The following DLG2 variants were observed in gnomAD, a reference collection of about 807,000 sequenced individuals.
The protein encoded by DLG2 is disks large homolog 2.
DLG2 carries 45 observed loss-of-function variants against 132.5 expected under a neutral mutation model. The ratio of observed to expected loss-of-function variants is 0.34; its 90% CI spans 0.27 to 0.44. DLG2 has a LOEUF of 0.44. DLG2 is among the 20% of genes least tolerant of loss of function. DLG2 has a pLI of 1.00. For synonymous variants in DLG2, 424 were observed against 419.6 expected (o/e 1.01, Z -0.13); for missense variants, 1,045 against 1,196.9 (o/e 0.87, Z 1.87).
At chr11:83,625,995 T>C (rs1429616454) in intron 19 of DLG2, among the ~76,000 whole-genome samples, 1 of 152,226 alleles carries the variant, frequency 6.6e-6, no homozygotes, top group Non-Finnish European at 1.5e-5. Context: ...AATTAATTCA[T>C]TTAACAAACG....
intron 8 of DLG2, among the ~76,000 whole-genome samples, chr11:84,241,270 A>G (rs749863967): frequency 3.9e-5 from 6 of 152,232 alleles, no homozygotes; most frequent in Non-Finnish European, 5.9e-5. Context: ...AGATAAAGCA[A>G]TATTTTCTTT....
intron 7 of DLG2, among the ~76,000 whole-genome samples, chr11:84,487,272 A>G (rs2154494934): frequency 6.6e-6 from 1 of 152,310 alleles, no homozygotes; most frequent in East Asian, 1.9e-4. Context: ...AAGATAAACC[A>G]TAAACTCAGT....
At chr11:84,902,506 A>G (rs1433398444) in intron 6 of DLG2, among the ~76,000 whole-genome samples, 2 of 152,180 alleles carry the variant, frequency 1.3e-5, no homozygotes, top group Non-Finnish European at 2.9e-5. Context: ...GCTTTCAGAT[A>G]TAGATCTGAT....
At chr11:84,230,335 T>G (rs1286007185) in intron 8 of DLG2, among the ~76,000 whole-genome samples, 3 of 152,190 alleles carry the variant, frequency 2.0e-5, no homozygotes, top group Non-Finnish European at 4.4e-5. Context: ...ATTATCTCTA[T>G]CCCTCAACAT....
At chr11:84,858,146 G>C (rs1032943772) in intron 6 of DLG2, among the ~76,000 whole-genome samples, 2 of 152,036 alleles carry the variant, frequency 1.3e-5, no homozygotes, top group African/African-American at 4.8e-5. Flanking sequence ...GCCTGCCTCA[G>C]CCTCCTAAAG....
intron 6 of DLG2, among the ~76,000 whole-genome samples, chr11:84,975,235 T>C (rs1231805458): frequency 6.6e-6 from 1 of 152,184 alleles, no homozygotes. Context: ...TAAGAGAATC[T>C]AAATTTGGTT....
intron 21 of DLG2, among the ~76,000 whole-genome samples, chr11:83,496,503 T>C: frequency 6.6e-6 from 1 of 152,162 alleles, no homozygotes; most frequent in South Asian, 2.1e-4. Context: ...AAAAGGTATC[T>C]TTACAAGACT....
At chr11:83,710,079 A>G (rs886556626) in intron 18 of DLG2, among the ~76,000 whole-genome samples, 1 of 152,180 alleles carries the variant, frequency 6.6e-6, no homozygotes, top group African/African-American at 2.4e-5. Context: ...GGAGAGAGGA[A>G]TATGAGGTGG....
chr11:85,269,595 C>A (rs1230366854), intron 4 of DLG2, among the ~76,000 whole-genome samples: 1 of 152,104 alleles, frequency 6.6e-6, no homozygotes, highest in Non-Finnish European at 1.5e-5. Context: ...AATAATGAGA[C>A]TGTATATGTA....
intron 8 of DLG2, among the ~76,000 whole-genome samples, chr11:84,203,746 G>A (rs1200325229): frequency 1.3e-5 from 2 of 152,110 alleles, no homozygotes; most frequent in South Asian, 4.2e-4. Context: ...TGAACACATG[G>A]AAGGGAAAAA....
At chr11:85,189,740 A>G (rs913187818) in intron 4 of DLG2, among the ~76,000 whole-genome samples, 1 of 152,202 alleles carries the variant, frequency 6.6e-6, no homozygotes, top group Non-Finnish European at 1.5e-5. Context: ...TAATAATTGG[A>G]ATAAAATAAA....
At chr11:84,803,863 G>A (rs79354576) in intron 6 of DLG2, among the ~76,000 whole-genome samples, 12,559 of 152,140 alleles carry the variant, frequency 0.083, 700 homozygotes, top group Non-Finnish European at 0.12. Flanking sequence ...TTCTTCATGA[G>A]AACAGAGACC....
chr11:84,611,050 C>CACACAA (rs1411981519), intron 6 of DLG2, among the ~76,000 whole-genome samples: 4 of 151,580 alleles, frequency 2.6e-5, no homozygotes, highest in Admixed American at 2.0e-4. Flanking sequence ...CACACACACA[C>CACACAA]ACACACACAC....
At chr11:84,482,715 A>C (rs1225403961) in intron 7 of DLG2, among the ~76,000 whole-genome samples, 1 of 152,136 alleles carries the variant, frequency 6.6e-6, no homozygotes, top group African/African-American at 2.4e-5. Context: ...ATGTCTTTCT[A>C]TTTTTCCCCA....
chr11:83,880,945 T>C (rs751268782), intron 15 of DLG2, among the ~76,000 whole-genome samples: 3 of 152,220 alleles, frequency 2.0e-5, no homozygotes, highest in Non-Finnish European at 2.9e-5. Context: ...CTTTATGAGA[T>C]AGTTTCAAGG....
Position 83,633,284 on chromosome 11 carries a change from G to T in DLG2, c.1867C>A (p.Gln623Lys). Residue 623 changes from glutamine to lysine, a missense_variant, in exon 19 of 28, where the codon CAG becomes AAG. Transcript: ENST00000376104. ...FEAKIHDLRE[Q>K]MMNHSMSSGS... ...GAGCTCATGCTGTGGTTCATCATCT[G>T]CTCTCGTAGGTCATGGATTTTGGCC... The T allele has an allele frequency of 6.2e-7, 1 of 1,613,650 alleles. No homozygotes were observed. Among genetic ancestry groups the T allele is most frequent in the Non-Finnish European group, 8.5e-7 (1 of 1,179,724 alleles).
At chr11:84,858,961 AT>A (rs760405957) in intron 6 of DLG2, among the ~76,000 whole-genome samples, 34 of 152,158 alleles carry the variant, frequency 2.2e-4, no homozygotes, top group East Asian at 9.7e-4. Context: ...TCAGGCACTT[AT>A]TGTTTAGCTA....
At chr11:84,923,276 G>A (rs766870245) in intron 6 of DLG2, 81 of 1,477,844 alleles carry the variant, frequency 5.5e-5, no homozygotes, top group Non-Finnish European at 7.1e-5. Flanking sequence ...AAAACGACAT[G>A]TCTTGAAGGC....
chr11:85,551,923 G>A (rs942073318), intron 3 of DLG2, among the ~76,000 whole-genome samples: 2 of 151,880 alleles, frequency 1.3e-5, no homozygotes, highest in Admixed American at 1.3e-4. Context: ...ATAACAATAA[G>A]CAGAGAAACT....
Sources: gnomAD v4.1 joint callset for allele counts (sites outside exome capture counted in the v4.1 genomes callset) on GRCh38, gnomAD v4.1.1 for gene constraint, MANE v1.5 for transcripts, NCBI Gene and HGNC (gene_info 2026-07-23, HGNC 2026-07-21) for gene names.